ARHGEF3: variants seen among roughly 807,000 people sequenced by gnomAD.
ARHGEF3 encodes Rho guanine nucleotide exchange factor 3, also known as 59.8 kDA protein.
Under a neutral mutation model 63.2 loss-of-function variants are expected in ARHGEF3, and 28 were observed. The observed-to-expected ratio is 0.44, with a 90% CI of 0.33 to 0.61. The LOEUF is 0.61. Among genes scored for constraint, ARHGEF3 ranks in the 20% least tolerant of loss-of-function variants. ARHGEF3 has a pLI of 0.03. For synonymous variants in ARHGEF3, 266 were observed against 254.2 expected, an observed-to-expected ratio of 1.05 and a Z score of -0.44; for missense variants, 533 against 659.3, an observed-to-expected ratio of 0.81 and a Z score of 2.10.
chr3:56,949,558 GA>G (rs1244152118), intron 3 of ARHGEF3, among the ~76,000 whole-genome samples: 2 of 151,848 alleles, frequency 1.3e-5, no homozygotes, highest in Non-Finnish European at 2.9e-5. Context: ...AAATACCTAG[GA>G]ATCCAACTTA....
chr3:56,732,181 C>G lies in ARHGEF3; in HGVS notation c.1228+57G>C, dbSNP rs570531569. The G allele has an allele frequency of 1.2e-4, 192 of 1,600,796 alleles. 3 individuals carry two copies. The South Asian group carries it at 2.0e-3, about 17-fold the overall frequency. On this transcript the variant is annotated intron_variant, in intron 9 of 9. Transcript: ENST00000296315. ...TCTCTTTCCACCAGCTGCCCACTCCCTCCAAACTACCACGGCCAAAAACAT... is the reference window on the plus strand; with the variant it reads ...TCTCTTTCCACCAGCTGCCCACTCCGTCCAAACTACCACGGCCAAAAACAT...
chr3:56,977,338 G>T (rs1701165040), intron 2 of ARHGEF3: 1 of 456,292 alleles, frequency 2.2e-6, no homozygotes, highest in South Asian at 1.5e-5. Flanking sequence ...CATTCTCTTG[G>T]GCCCCTCACT....
At chr3:57,002,858 C>T (rs1702312463) in intron 2 of ARHGEF3, among the ~76,000 whole-genome samples, 1 of 150,650 alleles carries the variant, frequency 6.6e-6, no homozygotes, top group African/African-American at 2.4e-5. Flanking sequence ...ACTGCAACCT[C>T]CACCTCCCGG....
chr3:56,729,954 G>A (rs895522917), intron 9 of ARHGEF3, among the ~76,000 whole-genome samples: 1 of 152,190 alleles, frequency 6.6e-6, no homozygotes, highest in Non-Finnish European at 1.5e-5. Flanking sequence ...TGGGGTGAGA[G>A]CTTGTTAAAA....
intron 2 of ARHGEF3, among the ~76,000 whole-genome samples, chr3:56,963,539 C>A (rs1268286900): frequency 6.6e-6 from 1 of 152,232 alleles, no homozygotes; most frequent in African/African-American, 2.4e-5. Flanking sequence ...AGACTACCAC[C>A]TTCGTCAGCA....
chr3:56,759,174 ATTT>A (rs35855808), intron 2 of ARHGEF3, among the ~76,000 whole-genome samples: 6 of 128,162 alleles, frequency 4.7e-5, no homozygotes, highest in South Asian at 2.6e-4. Context: ...AGAAAACTGA[ATTT>A]TTTTTTTTTT....
chr3:56,940,596 C>G (rs552166433), intron 3 of ARHGEF3: 1 of 152,214 alleles, frequency 6.6e-6, no homozygotes, highest in South Asian at 2.1e-4. Context: ...AGGATCTATA[C>G]AGCCTGGCTT....
chr3:56,876,064 C>A (rs1041128048), intron 4 of ARHGEF3, among the ~76,000 whole-genome samples: 1 of 151,962 alleles, frequency 6.6e-6, no homozygotes, highest in African/African-American at 2.4e-5. Context: ...AGGTGAAATG[C>A]GGGGAGAAGA....
At chr3:56,941,688 T>C (rs9817179) in intron 3 of ARHGEF3, among the ~76,000 whole-genome samples, 38 of 152,340 alleles carry the variant, frequency 2.5e-4, no homozygotes, top group African/African-American at 8.7e-4. Context: ...TCAGACTTTA[T>C]AAAAAATATG....
chr3:56,873,086 C>G (rs948316282), intron 4 of ARHGEF3, among the ~76,000 whole-genome samples: 6 of 152,208 alleles, frequency 3.9e-5, no homozygotes, highest in African/African-American at 1.4e-4. Flanking sequence ...GCAGTCTCTG[C>G]CTCCTGGGCT....
At chr3:56,985,800 T>C (rs1298598247) in intron 2 of ARHGEF3, among the ~76,000 whole-genome samples, 2 of 128,636 alleles carry the variant, frequency 1.6e-5, no homozygotes, top group African/African-American at 5.4e-5. Flanking sequence ...GCACAGACTC[T>C]AACAAATGAG....
intron 2 of ARHGEF3, among the ~76,000 whole-genome samples, chr3:56,763,604 A>G (rs1480067151): frequency 2.0e-5 from 3 of 152,244 alleles, no homozygotes; most frequent in African/African-American, 7.2e-5. Context: ...CCTCACATGC[A>G]GAGTTAAGTG....
chr3:57,060,999 T>C (rs1005482727), intron 1 of ARHGEF3, among the ~76,000 whole-genome samples: 8 of 152,236 alleles, frequency 5.3e-5, no homozygotes, highest in African/African-American at 1.4e-4. Flanking sequence ...CATACCACTT[T>C]AACCATTTTT....
At chr3:57,071,800 A>C (rs1240700998) in intron 1 of ARHGEF3, among the ~76,000 whole-genome samples, 1 of 152,218 alleles carries the variant, frequency 6.6e-6, no homozygotes, top group East Asian at 1.9e-4. Context: ...AAAACCTGGC[A>C]CTTCAAAGAA....
At chr3:56,763,311 C>T (rs2035525772) in intron 2 of ARHGEF3, among the ~76,000 whole-genome samples, 2 of 152,184 alleles carry the variant, frequency 1.3e-5, no homozygotes, top group South Asian at 4.1e-4. Flanking sequence ...GACCACACTG[C>T]CACTATTAGT....
chr3:56,807,251 A>T (rs577654765), intron 4 of ARHGEF3, among the ~76,000 whole-genome samples: 3 of 152,294 alleles, frequency 2.0e-5, no homozygotes, highest in Admixed American at 1.3e-4. Flanking sequence ...TAATTAATGA[A>T]TGCTTATTAC....
At chr3:56,780,523 A>AT (rs2036515517) in intron 1 of ARHGEF3, among the ~76,000 whole-genome samples, 1 of 152,256 alleles carries the variant, frequency 6.6e-6, no homozygotes, top group Non-Finnish European at 1.5e-5. Flanking sequence ...AGTTATTGGG[A>AT]TTCCACCAGT....
At chr3:56,740,291 TA>T (rs1468691487) in intron 7 of ARHGEF3, among the ~76,000 whole-genome samples, 1 of 152,124 alleles carries the variant, frequency 6.6e-6, no homozygotes, top group Non-Finnish European at 1.5e-5. Flanking sequence ...ACCCTTATTT[TA>T]AAAAATATAG....
intron 2 of ARHGEF3, among the ~76,000 whole-genome samples, chr3:56,967,898 AATAAT>A (rs1560092949): frequency 6.2e-5 from 4 of 64,842 alleles, no homozygotes; most frequent in Admixed American, 3.2e-4. Flanking sequence ...ATAATATATA[AATAAT>A]ATATTATATA....
Sources: gnomAD v4.1 joint callset for allele counts (sites outside exome capture counted in the v4.1 genomes callset) on GRCh38, gnomAD v4.1.1 for gene constraint, MANE v1.5 for transcripts, NCBI Gene and HGNC (gene_info 2026-07-23, HGNC 2026-07-21) for gene names.